Variants in LHX8 observed in about 807,000 individuals in gnomAD.
LHX8 encodes LIM homeobox 8, also known as LIM/homeobox protein Lhx8.
In LHX8, 12 loss-of-function variants were observed where a neutral mutation model predicts 40.3. The observed-to-expected ratio is 0.30, with a 90% CI of 0.19 to 0.48. The LOEUF (loss-of-function observed/expected upper bound fraction) is 0.48, where lower values mean the gene tolerates loss of function less well. Ranked by LOEUF, LHX8 falls within the 20% of genes least tolerant of loss-of-function variation. The probability of loss-of-function intolerance (pLI) is 0.99; values close to 1 mark genes in which losing one functional copy is unlikely to be tolerated. For missense variants in LHX8, 344 were observed against 433.7 expected, an observed-to-expected ratio of 0.79 and a Z score of 1.84; for synonymous variants, 179 against 162.0, an observed-to-expected ratio of 1.10 and a Z score of -0.80.
At chr1:75,144,062 T>G in intron 6 of LHX8, 114 bp downstream of exon 6, 1 of 798,796 alleles carries the variant, frequency 1.3e-6, no homozygotes, top group Non-Finnish European at 2.1e-6. Flanking sequence ...TTAGCCTATG[T>G]GTTTTATGAA....
At position 75,161,254 on chromosome 1, in the gene LHX8, T is replaced by C. The variant is rs1648911381; in HGVS notation, c.*359T>C. On this transcript the variant is annotated 3_prime_UTR_variant, in exon 9 of 9. Coordinates refer to ENST00000356261, the MANE Select transcript of LHX8 (RefSeq NM_001256114.2). ...TTACAATCTTTTGTGAAATTGTAGT[T>C]TATCATTAGTTTGTATCTGTAAGTT... is the stretch of plus-strand genomic sequence containing the variant. 4.4e-6 allele frequency: 1 copy of C among 227,192 alleles called. No individual in the cohort carries two copies. Among genetic ancestry groups the C allele is most frequent in the Non-Finnish European group, 8.8e-6 (1 of 114,150 alleles). 14.1% of individuals were successfully genotyped at this position (227,192 alleles called of 1,614,324 possible). A position where few individuals can be genotyped will look rare whatever the true frequency, so the allele number is the denominator to read the frequency against.
intron 1 of LHX8, chr1:75,128,736 T>G (rs1016353629): frequency 6.6e-6 from 1 of 152,198 alleles, no homozygotes; most frequent in Non-Finnish European, 1.5e-5. Flanking sequence ...TTGTGCAAAC[T>G]GACAGAAGGG....
At chr1:75,198,865 T>C in the LHX8 span, among the ~76,000 whole-genome samples, 10 of 152,090 alleles carry the variant, frequency 6.6e-5, no homozygotes, top group Non-Finnish European at 4.4e-5. Context: ...AGGGAAGATC[T>C]GAAAAAGAAT....
chr1:75,176,841 A>C, the LHX8 span, among the ~76,000 whole-genome samples: 3 of 152,104 alleles, frequency 2.0e-5, no homozygotes, highest in Non-Finnish European at 4.4e-5. Flanking sequence ...ATCTTGAATT[A>C]ATTTTTGTAT....
At position 75,137,120 on chromosome 1, in the gene LHX8, G is replaced by A. The variant is rs748514306; in HGVS notation, c.96G>A (p.Gly32=). ...EEGLVSPEGA[G]DEDSCSSSAP... is the part of the protein sequence containing the mutation. Reference sequence around the variant, plus strand: ...TGCAGGTGAGCCCCGAGGGAGCGGGGGACGAGGACTCGTGCTCCTCCTCGG... The same window carrying A: ...TGCAGGTGAGCCCCGAGGGAGCGGGAGACGAGGACTCGTGCTCCTCCTCGG... The change falls in exon 3 of 9, where the codon GGG becomes GGA. Residue 32 remains glycine (G), a synonymous_variant. Transcript: ENST00000356261. 48 of 1,607,332 alleles carry A rather than the reference G, an allele frequency of 3.0e-5. No homozygotes were observed. In the Admixed American group the frequency reaches 5.8e-4, roughly 20 times the overall value.
chr1:75,159,383 A>G (rs569596884), intron 8 of LHX8: 20 of 152,210 alleles, frequency 1.3e-4, no homozygotes, highest in African/African-American at 4.8e-4. Flanking sequence ...GTCTTTCATT[A>G]TGGAAAATTC....
At chr1:75,156,747 A>G (rs547763267) in intron 7 of LHX8, 146 bp from the exon 8 acceptor site, 8 of 786,972 alleles carry the variant, frequency 1.0e-5, no homozygotes, top group Non-Finnish European at 1.8e-5. Context: ...TTCTGTCTAT[A>G]GAACTTTTAT....
At chr1:75,137,881 A>T (rs925799186) in intron 3 of LHX8, among the ~76,000 whole-genome samples, 9 of 152,230 alleles carry the variant, frequency 5.9e-5, no homozygotes, top group Admixed American at 2.0e-4. Flanking sequence ...GTCCATTTAA[A>T]TAAAAACCAT....
chr1:75,150,762 C>T (rs1247355319), intron 7 of LHX8, among the ~76,000 whole-genome samples: 8 of 149,896 alleles, frequency 5.3e-5, no homozygotes, highest in African/African-American at 2.0e-4. Flanking sequence ...CTGGAACCTC[C>T]GCCTCCCGGG....
upstream of LHX8, chr1:75,130,702 T>A: frequency 6.2e-7 from 1 of 1,613,814 alleles, no homozygotes; most frequent in Non-Finnish European, 8.5e-7. Flanking sequence ...AGCTCTGCCA[T>A]CTCTGAGGGG....
At chr1:75,143,651 C>T (rs1027691417) in intron 5 of LHX8, among the ~76,000 whole-genome samples, 194 bp from the exon 6 acceptor site, 3 of 152,078 alleles carry the variant, frequency 2.0e-5, no homozygotes, top group Non-Finnish European at 4.4e-5. Flanking sequence ...GAACTTTTCA[C>T]TAAATATACA....
intron 8 of LHX8, 41 bp downstream of exon 8, chr1:75,157,117 A>AG: frequency 3.2e-6 from 5 of 1,571,928 alleles, no homozygotes; most frequent in Non-Finnish European, 4.4e-6. Context: ...CCAGGCAATC[A>AG]GCAACTGGTA....
At chr1:75,136,860 G>A (rs1648156504) in intron 2 of LHX8, among the ~76,000 whole-genome samples, 171 bp downstream of exon 2, 1 of 151,982 alleles carries the variant, frequency 6.6e-6, no homozygotes, top group Admixed American at 6.5e-5. Context: ...TGGCCCGCGA[G>A]GAGGGCAGGG....
chr1:75,156,843 A>G (rs751066945), intron 7 of LHX8, 50 bp from the exon 8 acceptor site: 14 of 1,564,250 alleles, frequency 8.9e-6, no homozygotes, highest in Non-Finnish European at 1.1e-5. Flanking sequence ...TAATGTGCTC[A>G]GAAGCTGGTG....
intron 7 of LHX8, among the ~76,000 whole-genome samples, chr1:75,153,434 A>G (rs1268365036): frequency 6.8e-6 from 1 of 146,514 alleles, no homozygotes; most frequent in African/African-American, 2.5e-5. Flanking sequence ...GTTTTTTGAG[A>G]TGGAGTCTTG....
chr1:75,131,503 G>C (rs1647957862), upstream of LHX8: 1 of 152,492 alleles, frequency 6.6e-6, no homozygotes, highest in Admixed American at 6.5e-5. Flanking sequence ...CGCCTGCAGT[G>C]CGAGCTGAGT....
downstream of LHX8, among the ~76,000 whole-genome samples, chr1:75,164,230 C>T (rs956410552): frequency 5.3e-5 from 8 of 152,110 alleles, no homozygotes; most frequent in Admixed American, 1.3e-4. Flanking sequence ...TATGTATTCA[C>T]AGCAACTTCA....
chr1:75,180,987 C>T, the LHX8 span, among the ~76,000 whole-genome samples: 6 of 152,072 alleles, frequency 3.9e-5, no homozygotes, highest in Non-Finnish European at 7.3e-5. Context: ...TGGAGGTCCA[C>T]TCTAGACCCT....
chr1:75,169,234 G>A, the LHX8 span, among the ~76,000 whole-genome samples: 4 of 152,080 alleles, frequency 2.6e-5, no homozygotes, highest in Admixed American at 1.3e-4. Context: ...ATACGCAAGT[G>A]GGCAGGATAA....
Sources: gnomAD v4.1 joint callset for allele counts (sites outside exome capture counted in the v4.1 genomes callset) on GRCh38, gnomAD v4.1.1 for gene constraint, MANE v1.5 for transcripts, NCBI Gene and HGNC (gene_info 2026-07-23, HGNC 2026-07-21) for gene names.